The following NELL1 variants were observed in gnomAD, a reference collection of about 807,000 sequenced individuals.
NELL1 encodes the protein protein kinase C-binding protein NELL1.
A neutral mutation model predicts 107.4 loss-of-function variants in NELL1; 76 were observed. The observed-to-expected ratio is 0.71, with a 90% CI of 0.59 to 0.86. The LOEUF is 0.86. Among genes scored for constraint, NELL1 ranks in the 40% least tolerant of loss-of-function variants. The pLI is 0.00. For missense variants in NELL1, 1,024 were observed against 1,005.5 expected (o/e 1.02, Z -0.25); for synonymous variants, 353 against 341.2 (o/e 1.03, Z -0.38).
At chr11:20,700,499 A>AT (rs914785761) in intron 2 of NELL1, among the ~76,000 whole-genome samples, 4 of 150,824 alleles carry the variant, frequency 2.7e-5, no homozygotes, top group Non-Finnish European at 4.5e-5. Context: ...AAGAAAAAAA[A>AT]ATATATATAT....
chr11:21,093,336 T>C (rs1044014462), intron 12 of NELL1, among the ~76,000 whole-genome samples: 5 of 152,146 alleles, frequency 3.3e-5, no homozygotes, highest in African/African-American at 1.2e-4. Context: ...TACTGATTGA[T>C]TGATTTTTTT....
intron 5 of NELL1, among the ~76,000 whole-genome samples, chr11:20,893,542 AC>A (rs1324401529): frequency 6.6e-6 from 1 of 151,988 alleles, no homozygotes; most frequent in Non-Finnish European, 1.5e-5. Flanking sequence ...CTTTAAGTCT[AC>A]ATGTTAGAAT....
chr11:21,123,342 T>A lies in NELL1; in HGVS notation c.1426+9628T>A, dbSNP rs1339778553. 3.9e-3 allele frequency among the ~76,000 whole-genome samples: 475 copies of A among 121,862 alleles called. 1 individual carries two copies. Among genetic ancestry groups the A allele is most frequent in the African/African-American group, 0.012 (438 of 35,496 alleles). The allele number at this position is 121,862 out of a possible 152,430, so 79.9% of individuals were successfully genotyped here. The stretch of plus-strand genomic sequence containing the variant: ...GAAGATGTGTGTGCCTGCGTGTGTG[T>A]GTGTGTGTGTGTGTGTGTGTGTGTG... On this transcript the variant is annotated intron_variant, in intron 13 of 19. Coordinates refer to ENST00000357134, the MANE Select transcript of NELL1 (RefSeq NM_006157.5).
chr11:20,854,979 C>T (rs1254362789), intron 4 of NELL1, among the ~76,000 whole-genome samples: 1 of 152,194 alleles, frequency 6.6e-6, no homozygotes, highest in East Asian at 1.9e-4. Context: ...AGAGTGTCTG[C>T]TTAATTGCTA....
At chr11:21,425,827 G>T (rs1382573503) in intron 15 of NELL1, among the ~76,000 whole-genome samples, 1 of 152,186 alleles carries the variant, frequency 6.6e-6, no homozygotes, top group African/African-American at 2.4e-5. Context: ...GGACATACTA[G>T]TAGCAGAGAA....
chr11:21,060,777 C>G (rs1853720228), intron 12 of NELL1, among the ~76,000 whole-genome samples: 1 of 152,238 alleles, frequency 6.6e-6, no homozygotes, highest in African/African-American at 2.4e-5. Flanking sequence ...TCTCCGCTCA[C>G]TGCAACCTTC....
chr11:21,487,688 T>C (rs1232064372), intron 15 of NELL1, among the ~76,000 whole-genome samples: 1 of 152,150 alleles, frequency 6.6e-6, no homozygotes. Flanking sequence ...ATTAATAACC[T>C]CGAATTTAAA....
At chr11:21,172,241 T>C (rs1590702978) in intron 13 of NELL1, among the ~76,000 whole-genome samples, 1 of 151,966 alleles carries the variant, frequency 6.6e-6, no homozygotes, top group Non-Finnish European at 1.5e-5. Context: ...TTCTAACTAC[T>C]AGTAATTCTG....
intron 15 of NELL1, among the ~76,000 whole-genome samples, chr11:21,421,973 T>C (rs1303782595): frequency 3.3e-5 from 5 of 152,104 alleles, no homozygotes; most frequent in African/African-American, 1.2e-4. Context: ...TTGGAGGCCA[T>C]TGTGTAGGGG....
chr11:20,970,661 A>C (rs11025841), intron 12 of NELL1, among the ~76,000 whole-genome samples: 21,996 of 152,142 alleles, frequency 0.14, 1,984 homozygotes, highest in East Asian at 0.25. Flanking sequence ...TAGGGGGATC[A>C]GCAGATACAA....
intron 14 of NELL1, among the ~76,000 whole-genome samples, chr11:21,345,319 A>G (rs1476542801): frequency 1.3e-5 from 2 of 152,338 alleles, no homozygotes; most frequent in East Asian, 3.9e-4. Flanking sequence ...GAGTTGCTCA[A>G]TGTCACACAC....
At chr11:21,488,001 A>C (rs1854684681) in intron 15 of NELL1, among the ~76,000 whole-genome samples, 1 of 152,186 alleles carries the variant, frequency 6.6e-6, no homozygotes, top group South Asian at 2.1e-4. Context: ...AAATATATAT[A>C]CATACAACAC....
intron 12 of NELL1, among the ~76,000 whole-genome samples, chr11:20,960,835 T>C (rs1564987760): frequency 6.6e-6 from 1 of 152,172 alleles, no homozygotes; most frequent in Non-Finnish European, 1.5e-5. Context: ...GCTGTGCACA[T>C]AACAATCACT....
At chr11:21,565,531 T>C (rs1181251865) in intron 17 of NELL1, among the ~76,000 whole-genome samples, 1 of 151,908 alleles carries the variant, frequency 6.6e-6, no homozygotes, top group African/African-American at 2.4e-5. Flanking sequence ...ATTTGCATTT[T>C]TCAGTAGTTC....
intron 13 of NELL1, among the ~76,000 whole-genome samples, chr11:21,144,847 G>T (rs1157704633): frequency 6.6e-6 from 1 of 152,152 alleles, no homozygotes; most frequent in Non-Finnish European, 1.5e-5. Flanking sequence ...ATGAGGTAGG[G>T]TTTCCCATGA....
intron 12 of NELL1, among the ~76,000 whole-genome samples, chr11:20,977,370 TTC>T (rs1250196989): frequency 1.3e-5 from 2 of 151,564 alleles, no homozygotes; most frequent in Non-Finnish European, 1.5e-5. Context: ...GTTCACACCA[TTC>T]TCCTGCCTCA....
At chr11:20,784,536 G>C (rs1428710439) in intron 3 of NELL1, among the ~76,000 whole-genome samples, 1 of 136,790 alleles carries the variant, frequency 7.3e-6, no homozygotes, top group East Asian at 2.0e-4. Context: ...TGAGAGTTTG[G>C]GGTGGGCGAT....
intron 10 of NELL1, among the ~76,000 whole-genome samples, 191 bp from the exon 11 acceptor site, chr11:20,947,145 G>A (rs1016123253): frequency 1.3e-5 from 2 of 152,078 alleles, no homozygotes; most frequent in African/African-American, 2.4e-5. Context: ...GATATAGAAA[G>A]GGAAATTTAC....
chr11:21,527,555 A>G (rs1422076613), intron 15 of NELL1, among the ~76,000 whole-genome samples: 1 of 152,204 alleles, frequency 6.6e-6, no homozygotes, highest in African/African-American at 2.4e-5. Flanking sequence ...GGATAGATGA[A>G]TATATGAATG....
Sources: gnomAD v4.1 joint callset for allele counts (sites outside exome capture counted in the v4.1 genomes callset) on GRCh38, gnomAD v4.1.1 for gene constraint, MANE v1.5 for transcripts, NCBI Gene and HGNC (gene_info 2026-07-23, HGNC 2026-07-21) for gene names.